ZNF410: variants seen among roughly 807,000 people sequenced by gnomAD.
The protein encoded by ZNF410 is zinc finger protein 410.
ZNF410 carries 18 observed loss-of-function variants against 54.8 expected under a neutral mutation model. That is an observed-to-expected ratio of 0.33 (90% confidence interval 0.23 to 0.49). The LOEUF (loss-of-function observed/expected upper bound fraction) is 0.49, where lower values mean the gene tolerates loss of function less well. ZNF410 is among the 20% of genes least tolerant of loss of function. The probability of loss-of-function intolerance (pLI) is 0.99; values close to 1 mark genes in which losing one functional copy is unlikely to be tolerated. For synonymous variants in ZNF410, 191 were observed against 207.3 expected, an observed-to-expected ratio of 0.92 and a Z score of 0.68; for missense variants, 405 against 569.6, an observed-to-expected ratio of 0.71 and a Z score of 2.94.
At chr14:73,910,526 T>C (rs964004188) in intron 8 of ZNF410, among the ~76,000 whole-genome samples, 1 of 152,032 alleles carries the variant, frequency 6.6e-6, no homozygotes, top group African/African-American at 2.4e-5. Context: ...GGTGGATCAC[T>C]TGAGGTCAGG....
At chr14:73,926,306 C>CT (rs1272465513) in intron 11 of ZNF410, among the ~76,000 whole-genome samples, 4 of 151,986 alleles carry the variant, frequency 2.6e-5, no homozygotes, top group African/African-American at 9.7e-5. Flanking sequence ...GGTTGGTTTG[C>CT]TAGAGTCAGG....
chr14:73,904,940 G>A lies in ZNF410; in HGVS notation c.770G>A (p.Gly257Glu). 1 of 1,614,160 alleles carries A rather than the reference G, an allele frequency of 6.2e-7. No homozygotes were observed. Among genetic ancestry groups the A allele is most frequent in the Non-Finnish European group, 8.5e-7 (1 of 1,180,014 alleles). The change falls in exon 7 of 12, where the codon GGG becomes GAG. Residue 257 changes from glycine (G) to glutamate (E), a missense_variant. By Grantham distance (98) the Gly-to-Glu change is moderately conservative. Coordinates refer to ENST00000555044, the MANE Select transcript of ZNF410 (RefSeq NM_021188.3). ...TTCATCTGTCCTGCAGAAGGTTGTG[G>A]GAAAAGCTTCTATGTGCTGCAGAGG... ...RSFICPAEGC[G>E]KSFYVLQRLK...
At chr14:73,900,117 C>T (rs966504773) in intron 5 of ZNF410, among the ~76,000 whole-genome samples, 5 of 150,994 alleles carry the variant, frequency 3.3e-5, no homozygotes, top group Non-Finnish European at 7.4e-5. Context: ...TGCTTGAACC[C>T]GGGAGGTGGA....
At chr14:73,888,582 T>C (rs72627118) in intron 1 of ZNF410, among the ~76,000 whole-genome samples, 11,508 of 152,212 alleles carry the variant, frequency 0.076, 893 homozygotes, top group East Asian at 0.44. Flanking sequence ...ACTAAAGATA[T>C]TTTAATTGTA....
At chr14:73,905,976 T>C (rs370692237) in intron 7 of ZNF410, among the ~76,000 whole-genome samples, 15,926 of 77,262 alleles carry the variant, frequency 0.21, 1,352 homozygotes, top group Admixed American at 0.34. Flanking sequence ...CACATATATA[T>C]ATATATATAT....
intron 11 of ZNF410, chr14:73,924,797 C>T (rs1339381332): frequency 7.8e-6 from 3 of 387,020 alleles, no homozygotes; most frequent in South Asian, 1.9e-5. Flanking sequence ...CTGCCTCAGC[C>T]TCCTGAGTAG....
chr14:73,892,246 G>A, intron 2 of ZNF410, 38 bp downstream of exon 2: 1 of 1,606,174 alleles, frequency 6.2e-7, no homozygotes, highest in Non-Finnish European at 8.5e-7. Flanking sequence ...CTTTTGGTGG[G>A]CTATATTTCA....
In ZNF410 at chr14:73,932,085, C is replaced by T. The variant is rs2055924890; in HGVS notation, c.*544C>T. 2.2e-6 allele frequency: 1 copy of T among 453,962 alleles called. No individual in the cohort carries two copies. Among genetic ancestry groups the T allele is most frequent in the African/African-American group, 2.0e-5 (1 of 50,016 alleles). The allele number at this position is 453,962 out of a possible 1,614,324, so 28.1% of individuals were successfully genotyped here. On this transcript the variant is annotated 3_prime_UTR_variant, in exon 12 of 12. Transcript: ENST00000555044. ...CACTGGGCTGCAAAAAAATAAATTA[C>T]TTGAATCTCCCCTTGGCCCAGGCTG...
chr14:73,918,075 G>A (rs970845159), intron 8 of ZNF410, among the ~76,000 whole-genome samples: 10 of 151,894 alleles, frequency 6.6e-5, no homozygotes, highest in African/African-American at 2.2e-4. Flanking sequence ...TGCTATATTG[G>A]TTATTTGTAT....
chr14:73,923,583 T>C, intron 11 of ZNF410, 61 bp downstream of exon 11: 10 of 1,556,270 alleles, frequency 6.4e-6, no homozygotes, highest in African/African-American at 1.4e-5. Flanking sequence ...ATTGAGAATT[T>C]AGAGGACCTG....
intron 8 of ZNF410, among the ~76,000 whole-genome samples, chr14:73,918,114 T>G (rs938215554): frequency 1.3e-5 from 2 of 152,192 alleles, no homozygotes; most frequent in Non-Finnish European, 2.9e-5. Context: ...TATTTTTTAT[T>G]TATTTATTTT....
At chr14:73,921,922 G>GA in intron 9 of ZNF410, 144 bp from the exon 10 acceptor site, 1 of 851,124 alleles carries the variant, frequency 1.2e-6, no homozygotes, top group Non-Finnish European at 1.8e-6. Flanking sequence ...CTTGTTTCTC[G>GA]AAAGTAGGTG....
At chr14:73,904,823 G>A in intron 6 of ZNF410, 79 bp from the exon 7 acceptor site, 1 of 1,464,704 alleles carries the variant, frequency 6.8e-7, no homozygotes, top group South Asian at 1.3e-5. Flanking sequence ...TTTGCCTTGA[G>A]AGTCAATAGG....
At chr14:73,902,562 A>G (rs1382907742) in intron 5 of ZNF410, among the ~76,000 whole-genome samples, 1 of 152,138 alleles carries the variant, frequency 6.6e-6, no homozygotes. Context: ...TTGATTAACC[A>G]TCAGGTTCTA....
chr14:73,928,014 T>C, intron 11 of ZNF410: 1 of 167,772 alleles, frequency 6.0e-6, no homozygotes, highest in South Asian at 9.5e-5. Context: ...ATTTTTTGTA[T>C]TTTTGATAGA....
chr14:73,887,821 A>G (rs1009991388), intron 1 of ZNF410, among the ~76,000 whole-genome samples: 3 of 152,184 alleles, frequency 2.0e-5, no homozygotes, highest in African/African-American at 7.2e-5. Context: ...GTAGATGTCT[A>G]ATTTTTGGCA....
At chr14:73,915,408 G>T (rs2055649496) in intron 8 of ZNF410, among the ~76,000 whole-genome samples, 1 of 151,192 alleles carries the variant, frequency 6.6e-6, no homozygotes, top group South Asian at 2.1e-4. Flanking sequence ...TGTGATCTTG[G>T]CTCACTGCAA....
intron 8 of ZNF410, chr14:73,916,816 A>G (rs1424238658): frequency 6.6e-6 from 1 of 152,084 alleles, no homozygotes; most frequent in Non-Finnish European, 1.5e-5. Flanking sequence ...TCTACAAAAA[A>G]AAAAAAATAC....
At chr14:73,906,739 A>G (rs2055496358) in intron 7 of ZNF410, among the ~76,000 whole-genome samples, 1 of 151,806 alleles carries the variant, frequency 6.6e-6, no homozygotes, top group Admixed American at 6.6e-5. Flanking sequence ...TTGCCCTCCC[A>G]AAGTGCTGAG....
Sources: gnomAD v4.1 joint callset for allele counts (sites outside exome capture counted in the v4.1 genomes callset) on GRCh38, gnomAD v4.1.1 for gene constraint, MANE v1.5 for transcripts, NCBI Gene and HGNC (gene_info 2026-07-23, HGNC 2026-07-21) for gene names.